Variants in GUCY1A2 observed in about 807,000 individuals in gnomAD.
GUCY1A2 encodes guanylate cyclase 1 soluble subunit alpha 2.
Under a neutral mutation model 63.5 loss-of-function variants are expected in GUCY1A2, and 27 were observed. The ratio of observed to expected loss-of-function variants is 0.43; its 90% CI spans 0.31 to 0.59. The LOEUF (loss-of-function observed/expected upper bound fraction) is 0.59. Ranked by LOEUF, GUCY1A2 falls within the 20% of genes least tolerant of loss-of-function variation. The pLI is 0.11. For synonymous variants in GUCY1A2, 364 were observed against 343.5 expected (o/e 1.06, Z -0.66); for missense variants, 768 against 913.3 (o/e 0.84, Z 2.05).
At chr11:106,808,660 C>T (rs1030849912) in intron 5 of GUCY1A2, among the ~76,000 whole-genome samples, 1 of 151,936 alleles carries the variant, frequency 6.6e-6, no homozygotes, top group African/African-American at 2.4e-5. Flanking sequence ...AAAAACATGA[C>T]TGCTTTAACT....
chr11:106,818,407 C>A (rs577303976), intron 4 of GUCY1A2, among the ~76,000 whole-genome samples: 1 of 152,218 alleles, frequency 6.6e-6, no homozygotes, highest in South Asian at 2.1e-4. Flanking sequence ...ACAAACCACA[C>A]CCGTATAAGA....
At chr11:106,914,460 C>T (rs1860341631) in intron 4 of GUCY1A2, among the ~76,000 whole-genome samples, 1 of 152,074 alleles carries the variant, frequency 6.6e-6, no homozygotes, top group African/African-American at 2.4e-5. Flanking sequence ...ATGTTGTAAA[C>T]AGGCTTCACT....
At chr11:106,890,536 C>T (rs560100911) in intron 4 of GUCY1A2, among the ~76,000 whole-genome samples, 5 of 152,252 alleles carry the variant, frequency 3.3e-5, no homozygotes, top group South Asian at 2.1e-4. Flanking sequence ...GGGAAATTCA[C>T]GATTCTGACT....
chr11:106,767,080 C>A (rs748765520), intron 6 of GUCY1A2, among the ~76,000 whole-genome samples: 60 of 152,168 alleles, frequency 3.9e-4, no homozygotes, highest in Non-Finnish European at 5.2e-4. Flanking sequence ...TAACTTTTAG[C>A]CTCTTCTATG....
intron 4 of GUCY1A2, among the ~76,000 whole-genome samples, chr11:106,812,441 T>G (rs1375498474): frequency 1.3e-5 from 2 of 151,776 alleles, no homozygotes; most frequent in Non-Finnish European, 2.9e-5. Flanking sequence ...TGCTGGTCTC[T>G]CTTCTTCATC....
chr11:106,937,957 G>C (rs566923018), intron 4 of GUCY1A2, among the ~76,000 whole-genome samples: 1 of 151,458 alleles, frequency 6.6e-6, no homozygotes, highest in African/African-American at 2.4e-5. Flanking sequence ...TTTTTTTTGA[G>C]ACAGAGTCTC....
chr11:106,836,613 T>C (rs1186098917), intron 4 of GUCY1A2, among the ~76,000 whole-genome samples: 1 of 152,012 alleles, frequency 6.6e-6, no homozygotes, highest in East Asian at 1.9e-4. Flanking sequence ...AATTACATTA[T>C]TGCACTAAAC....
At chr11:106,717,592 T>C (rs1364288657) in intron 6 of GUCY1A2, among the ~76,000 whole-genome samples, 2 of 152,320 alleles carry the variant, frequency 1.3e-5, no homozygotes, top group African/African-American at 2.4e-5. Flanking sequence ...GAAAGTCTTT[T>C]AGTAGAAAAA....
At chr11:106,742,975 T>G (rs1591257926) in intron 6 of GUCY1A2, among the ~76,000 whole-genome samples, 1 of 152,210 alleles carries the variant, frequency 6.6e-6, no homozygotes, top group South Asian at 2.1e-4. Context: ...AATATATTCT[T>G]TTGATGTTCA....
Position 106,827,915 on chromosome 11 carries a change from T to C in GUCY1A2, c.1207-17437A>G, listed in dbSNP as rs561243863. On this transcript the variant is annotated intron_variant, in intron 4 of 7. Coordinates refer to ENST00000526355, the MANE Select transcript of GUCY1A2 (RefSeq NM_000855.3). ...TGCTGCCGGACTCCCAGTGGTTTAC[T>C]GAATATCGCGGCGGAACAGCGAGAC... 412 of 1,398,212 alleles carry C rather than the reference T, an allele frequency of 2.9e-4. 1 individual carries two copies. Among genetic ancestry groups the C allele is most frequent in the Non-Finnish European group, 4.0e-4 (392 of 989,314 alleles). 86.6% of individuals were successfully genotyped at this position (1,398,212 alleles called of 1,614,324 possible).
intron 5 of GUCY1A2, among the ~76,000 whole-genome samples, chr11:106,799,349 C>A (rs889179261): frequency 6.6e-6 from 1 of 152,132 alleles, no homozygotes; most frequent in Admixed American, 6.5e-5. Context: ...TCAATGCCAT[C>A]CCCATCAAGC....
chr11:106,703,467 G>A (rs373523687), intron 7 of GUCY1A2, among the ~76,000 whole-genome samples: 13 of 152,258 alleles, frequency 8.5e-5, no homozygotes, highest in African/African-American at 2.4e-4. Flanking sequence ...GGAAGAGTCA[G>A]TAAAAGATAT....
intron 6 of GUCY1A2, among the ~76,000 whole-genome samples, chr11:106,740,253 G>C (rs756756893): frequency 1.3e-5 from 2 of 151,774 alleles, no homozygotes; most frequent in Non-Finnish European, 2.9e-5. Context: ...ACGTGCCTTG[G>C]CCTCCCAACA....
At chr11:106,961,969 A>T (rs760554277) in intron 3 of GUCY1A2, among the ~76,000 whole-genome samples, 1 of 152,188 alleles carries the variant, frequency 6.6e-6, no homozygotes, top group Non-Finnish European at 1.5e-5. Context: ...GCTGACTACT[A>T]ACATCCCTGT....
chr11:106,896,017 A>T (rs1429822436), intron 4 of GUCY1A2, among the ~76,000 whole-genome samples: 52 of 149,360 alleles, frequency 3.5e-4, no homozygotes, highest in African/African-American at 1.2e-3. Context: ...TCAAAAAAAA[A>T]AAAAATATAT....
chr11:106,999,329 T>C (rs569469248), intron 1 of GUCY1A2, among the ~76,000 whole-genome samples: 1 of 152,244 alleles, frequency 6.6e-6, no homozygotes, highest in East Asian at 1.9e-4. Context: ...TAATCCATAA[T>C]ATATCAGAGG....
At chr11:106,845,797 C>T (rs1859262175) in intron 4 of GUCY1A2, among the ~76,000 whole-genome samples, 1 of 151,480 alleles carries the variant, frequency 6.6e-6, no homozygotes, top group South Asian at 2.1e-4. Flanking sequence ...ATTTCTAAAT[C>T]CATTCAATGA....
intron 1 of GUCY1A2, among the ~76,000 whole-genome samples, chr11:106,998,033 T>C (rs982427309): frequency 2.6e-5 from 4 of 152,048 alleles, no homozygotes. Flanking sequence ...AAAAAAACAG[T>C]ATAGTTGGGC....
chr11:106,800,486 C>A (rs1864854696), intron 5 of GUCY1A2, among the ~76,000 whole-genome samples: 1 of 152,114 alleles, frequency 6.6e-6, no homozygotes, highest in Non-Finnish European at 1.5e-5. Flanking sequence ...TTGGAACCAA[C>A]CCAAATGTCC....
Sources: gnomAD v4.1 joint callset for allele counts (sites outside exome capture counted in the v4.1 genomes callset) on GRCh38, gnomAD v4.1.1 for gene constraint, MANE v1.5 for transcripts, NCBI Gene and HGNC (gene_info 2026-07-23, HGNC 2026-07-21) for gene names.